DIAPH2: variants seen among roughly 807,000 people sequenced by gnomAD.
DIAPH2 encodes the protein diaphanous related formin 2, also known as protein diaphanous homolog 2.
Under a neutral mutation model 92.7 loss-of-function variants are expected in DIAPH2, and 35 were observed. The observed-to-expected ratio is 0.38, with a 90% CI of 0.29 to 0.50. The LOEUF (loss-of-function observed/expected upper bound fraction) is 0.50. Ranked by LOEUF, DIAPH2 falls within the 20% of genes least tolerant of loss-of-function variation. The pLI is 0.94. For synonymous variants in DIAPH2, 301 were observed against 280.4 expected (o/e 1.07, Z -0.73); for missense variants, 701 against 819.5 (o/e 0.86, Z 1.77).
intron 5 of DIAPH2, among the ~76,000 whole-genome samples, chrX:96,901,718 A>G (rs757596320): frequency 3.7e-5 from 4 of 108,440 alleles, no homozygotes. Flanking sequence ...TATTTTTAGT[A>G]GAGACAGGGT....
In DIAPH2 at chrX:96,962,324, CACAT is replaced by C. The variant is rs1254551808; in HGVS notation, c.1936-2767_1936-2764del. 2.4e-4 allele frequency among the ~76,000 whole-genome samples: 8 copies of C among 33,365 alleles called. 2 individuals carry two copies. Among genetic ancestry groups the C allele is most frequent in the African/African-American group, 5.2e-4 (5 of 9,621 alleles). The allele number at this position is 33,365 out of a possible 115,157, so 29.0% of individuals were successfully genotyped here. A position where few individuals can be genotyped will look rare whatever the true frequency, so the allele number is the denominator to read the frequency against. On this transcript the variant is annotated intron_variant, in intron 16 of 26. Transcript: ENST00000324765. The stretch of plus-strand genomic sequence containing the variant: ...ACATATATATATACATATATATATA[CACAT>C]ATATATATACATATATATATATACA...
chrX:97,280,847 T>C (rs1569350068), intron 23 of DIAPH2, among the ~76,000 whole-genome samples: 1 of 111,724 alleles, frequency 9.0e-6, no homozygotes, highest in African/African-American at 3.3e-5. Flanking sequence ...AGTGCACTTC[T>C]CTGCATTTCC....
intron 17 of DIAPH2, among the ~76,000 whole-genome samples, chrX:97,050,291 CAT>C (rs1468904235): frequency 3.6e-5 from 4 of 110,437 alleles, no homozygotes; most frequent in Non-Finnish European, 7.6e-5. Flanking sequence ...ATTTTCTTGA[CAT>C]ATTTGAACTG....
At chrX:97,234,331 C>CAA (rs1182930277) in intron 22 of DIAPH2, among the ~76,000 whole-genome samples, 533 of 30,947 alleles carry the variant, frequency 0.017, 26 homozygotes, top group African/African-American at 0.045. Flanking sequence ...AACTCCATCT[C>CAA]AAAAAAAAAA....
intron 25 of DIAPH2, among the ~76,000 whole-genome samples, chrX:97,391,478 TAG>T (rs1404619705): frequency 1.7e-4 from 19 of 111,647 alleles, no homozygotes; most frequent in Admixed American, 1.3e-3. Context: ...ATATAGTACA[TAG>T]AGGTATTTCA....
At chrX:96,743,779 T>G in intron 3 of DIAPH2, among the ~76,000 whole-genome samples, 1 of 111,553 alleles carries the variant, frequency 9.0e-6, no homozygotes, top group Non-Finnish European at 1.9e-5. Flanking sequence ...TCAAGAGATC[T>G]ATTATACAAC....
intron 4 of DIAPH2, among the ~76,000 whole-genome samples, chrX:96,800,388 G>C (rs931041495): frequency 9.0e-6 from 1 of 111,633 alleles, no homozygotes; most frequent in African/African-American, 3.3e-5. Context: ...TACATTTCCT[G>C]TGTTGTCTCT....
intron 17 of DIAPH2, among the ~76,000 whole-genome samples, chrX:97,037,510 A>G (rs1161136219): frequency 1.8e-5 from 2 of 111,762 alleles, no homozygotes; most frequent in Non-Finnish European, 3.8e-5. Flanking sequence ...TTTAGGAAGC[A>G]TGAGAGATTT....
chrX:97,175,624 T>A (rs2147457545), intron 22 of DIAPH2, among the ~76,000 whole-genome samples: 1 of 111,987 alleles, frequency 8.9e-6, no homozygotes, highest in Admixed American at 9.5e-5. Flanking sequence ...GTTTGGAGAT[T>A]AATTACTATC....
chrX:96,956,923 A>G (rs1305884634), intron 15 of DIAPH2, among the ~76,000 whole-genome samples: 1 of 112,579 alleles, frequency 8.9e-6, no homozygotes, highest in East Asian at 2.8e-4. Context: ...ACATTTTTGC[A>G]TATCTTTACA....
Position 97,036,994 on chromosome X carries a change from T to A in DIAPH2, c.2051-35947T>A, listed in dbSNP as rs1370150859. Among the ~76,000 whole-genome samples, 4 of 110,754 alleles carry A rather than the reference T, an allele frequency of 3.6e-5. No homozygotes were observed. In the East Asian group the frequency reaches 1.1e-3, roughly 32 times the overall value. Reference sequence around the variant, plus strand: ...ATTCCTTGTAAGATATAGGTACTATTTTTTTTTAATCTCAGATTTATAGTT... The same window carrying A: ...ATTCCTTGTAAGATATAGGTACTATATTTTTTTAATCTCAGATTTATAGTT... On this transcript the variant is annotated intron_variant, in intron 17 of 26. Coordinates refer to ENST00000324765, the MANE Select transcript of DIAPH2 (RefSeq NM_006729.5).
chrX:97,468,094 A>G (rs2070530086), intron 26 of DIAPH2, among the ~76,000 whole-genome samples: 1 of 111,999 alleles, frequency 8.9e-6, no homozygotes, highest in African/African-American at 3.2e-5. Flanking sequence ...AAAAACAAAC[A>G]GAAGTAAAAT....
intron 24 of DIAPH2, among the ~76,000 whole-genome samples, chrX:97,380,843 G>A (rs912745986): frequency 8.9e-6 from 1 of 111,748 alleles, no homozygotes; most frequent in Non-Finnish European, 1.9e-5. Context: ...TGCCTTTGTA[G>A]ATGTTTTCAT....
chrX:96,989,713 T>C (rs5921070), intron 17 of DIAPH2, among the ~76,000 whole-genome samples: 4,404 of 111,613 alleles, frequency 0.039, 101 homozygotes, highest in Middle Eastern at 0.084. Flanking sequence ...CTTAGTTTAT[T>C]TGATTAGTGA....
At chrX:97,220,349 C>A in intron 22 of DIAPH2, among the ~76,000 whole-genome samples, 2 of 101,717 alleles carry the variant, frequency 2.0e-5, no homozygotes, top group African/African-American at 7.3e-5. Context: ...ATGATTTTAT[C>A]AGTGCTTACA....
intron 22 of DIAPH2, among the ~76,000 whole-genome samples, chrX:97,228,634 T>C (rs1436554055): frequency 8.9e-6 from 1 of 111,799 alleles, no homozygotes; most frequent in Non-Finnish European, 1.9e-5. Context: ...TTTTTCTATT[T>C]CTGAAAAGTA....
At chrX:96,967,855 C>T (rs1180228132) in intron 17 of DIAPH2, among the ~76,000 whole-genome samples, 1 of 112,004 alleles carries the variant, frequency 8.9e-6, no homozygotes, top group African/African-American at 3.2e-5. Flanking sequence ...CTGTGATGCA[C>T]ATAAAAGTGC....
At chrX:97,319,428 G>GC (rs2068871452) in intron 23 of DIAPH2, among the ~76,000 whole-genome samples, 2 of 107,660 alleles carry the variant, frequency 1.9e-5, no homozygotes, top group South Asian at 8.3e-4. Flanking sequence ...TCGCTCTTTG[G>GC]CCCAGGCCAG....
chrX:97,324,640 A>G (rs890657523), intron 23 of DIAPH2, among the ~76,000 whole-genome samples: 2 of 111,789 alleles, frequency 1.8e-5, no homozygotes, highest in African/African-American at 6.5e-5. Flanking sequence ...GAACCTGCAT[A>G]TAGTAGAGTA....
Sources: gnomAD v4.1 joint callset for allele counts (sites outside exome capture counted in the v4.1 genomes callset) on GRCh38, gnomAD v4.1.1 for gene constraint, MANE v1.5 for transcripts, NCBI Gene and HGNC (gene_info 2026-07-23, HGNC 2026-07-21) for gene names.